The following KLHL29 variants were observed in gnomAD, a reference collection of about 807,000 sequenced individuals.
KLHL29 encodes the protein kelch like family member 29, also known as kelch-like protein 29.
Under a neutral mutation model 80.4 loss-of-function variants are expected in KLHL29, and 21 were observed. That is an observed-to-expected ratio of 0.26 (90% confidence interval 0.19 to 0.38). The LOEUF is 0.38. KLHL29 is among the 10% of genes least tolerant of loss of function. The pLI is 1.00. For synonymous variants in KLHL29, 511 were observed against 526.8 expected (o/e 0.97, Z 0.41); for missense variants, 867 against 1,223.9 (o/e 0.71, Z 4.35).
At chr2:23,493,682 TGTGTGTGCATGTTTATGC>T (rs1249897874) in intron 2 of KLHL29, among the ~76,000 whole-genome samples, 5 of 152,078 alleles carry the variant, frequency 3.3e-5, no homozygotes, top group Non-Finnish European at 7.4e-5. Flanking sequence ...CATGTGTATG[TGTGTGTGCATGTTTATGC>T]GTGTGTGTCT....
intron 3 of KLHL29, among the ~76,000 whole-genome samples, chr2:23,567,038 CTG>C (rs1182925952): frequency 6.6e-6 from 1 of 152,218 alleles, no homozygotes; most frequent in Non-Finnish European, 1.5e-5. Flanking sequence ...TGGCCCACCA[CTG>C]TGTGTCTGGG....
chr2:23,629,137 C>T (rs1046929971), intron 3 of KLHL29, among the ~76,000 whole-genome samples: 9 of 152,194 alleles, frequency 5.9e-5, no homozygotes, highest in Admixed American at 1.3e-4. Context: ...GGGAGCGGTG[C>T]GGACTGATTG....
intron 3 of KLHL29, among the ~76,000 whole-genome samples, chr2:23,606,393 A>G (rs1668729426): frequency 6.6e-6 from 1 of 152,018 alleles, no homozygotes; most frequent in Non-Finnish European, 1.5e-5. Flanking sequence ...GTGTGATTGC[A>G]AGGCGCCCTT....
At chr2:23,633,756 C>CTGTGTGTGTGTGT (rs35002083) in intron 3 of KLHL29, among the ~76,000 whole-genome samples, 3,974 of 147,182 alleles carry the variant, frequency 0.027, 133 homozygotes, top group African/African-American at 0.067. Context: ...TCACAGCACT[C>CTGTGTGTGTGTGT]GTGTGTGTGT....
intron 3 of KLHL29, among the ~76,000 whole-genome samples, chr2:23,579,580 T>G (rs1359865219): frequency 3.3e-5 from 5 of 152,118 alleles, no homozygotes; most frequent in African/African-American, 1.2e-4. Flanking sequence ...GAGTCTACCC[T>G]TTTCCCTCCA....
chr2:23,560,975 G>T (rs886244613), intron 2 of KLHL29, among the ~76,000 whole-genome samples: 2 of 152,244 alleles, frequency 1.3e-5, no homozygotes, highest in Non-Finnish European at 2.9e-5. Context: ...GGCTGAGCTG[G>T]ACTGGCAGGA....
intron 2 of KLHL29, among the ~76,000 whole-genome samples, chr2:23,505,424 C>A (rs1243356863): frequency 6.6e-6 from 1 of 152,246 alleles, no homozygotes; most frequent in African/African-American, 2.4e-5. Flanking sequence ...ACCGCTCCTT[C>A]CCTTCCTGCA....
rs1558318779 is a variant in KLHL29 at position 23,385,698 on chromosome 2, C to G, written c.-236C>G. 6.1e-6 allele frequency: 1 copy of G among 165,086 alleles called. No individual in the cohort carries two copies. Among genetic ancestry groups the G allele is most frequent in the African/African-American group, 2.4e-5 (1 of 41,376 alleles). 10.2% of individuals were successfully genotyped at this position (165,086 alleles called of 1,614,324 possible). A position where few individuals can be genotyped will look rare whatever the true frequency, so the allele number is the denominator to read the frequency against. On this transcript the variant is annotated 5_prime_UTR_variant, in exon 1 of 14. Coordinates refer to ENST00000486442, the MANE Select transcript of KLHL29 (RefSeq NM_052920.2). Reference sequence around the variant, plus strand: ...AGCCACCGCTACCCGCCGGCGCTGTCCGCTCTCCATCAGCCCTCCTGCGCC... The same window carrying G: ...AGCCACCGCTACCCGCCGGCGCTGTGCGCTCTCCATCAGCCCTCCTGCGCC...
At chr2:23,655,917 C>G (rs1404712327) in intron 5 of KLHL29, among the ~76,000 whole-genome samples, 1 of 152,154 alleles carries the variant, frequency 6.6e-6, no homozygotes, top group East Asian at 1.9e-4. Context: ...ATCCCCTGGA[C>G]CCCCAAAGAT....
chr2:23,627,894 G>A (rs35204700), intron 3 of KLHL29, among the ~76,000 whole-genome samples: 2,539 of 149,170 alleles, frequency 0.017, 38 homozygotes, highest in Non-Finnish European at 0.028. Flanking sequence ...TGACTAGAAA[G>A]GAGGAGGCCA....
intron 2 of KLHL29, among the ~76,000 whole-genome samples, chr2:23,558,864 A>T (rs924958595): frequency 1.3e-5 from 2 of 152,264 alleles, no homozygotes; most frequent in African/African-American, 4.8e-5. Context: ...TTATTGATTC[A>T]TTCAGCACAC....
At chr2:23,469,666 G>C (rs985723963) in intron 1 of KLHL29, among the ~76,000 whole-genome samples, 4 of 152,098 alleles carry the variant, frequency 2.6e-5, no homozygotes, top group African/African-American at 4.8e-5. Flanking sequence ...TCTTCCAGAT[G>C]TTCAAAGAAA....
At chr2:23,673,019 A>G (rs904176836) in intron 5 of KLHL29, among the ~76,000 whole-genome samples, 2 of 152,128 alleles carry the variant, frequency 1.3e-5, no homozygotes, top group Non-Finnish European at 2.9e-5. Context: ...CCCTCATGAA[A>G]TCCACCAGTG....
chr2:23,388,144 C>T (rs1219644598), intron 1 of KLHL29, among the ~76,000 whole-genome samples: 1 of 151,928 alleles, frequency 6.6e-6, no homozygotes, highest in Non-Finnish European at 1.5e-5. Flanking sequence ...AGTGTTGTGT[C>T]TTTTTAATTA....
rs941845033 is a variant in KLHL29, at chr2:23,639,285, G to A, written c.427+5G>A. ...TGAGAGAGAGTGACAATCCAGGTAC[G>A]TACCTCATCGGCAGATAGAAACGAC... On this transcript the variant is annotated splice_donor_5th_base_variant and intron_variant, in intron 4 of 13. Transcript: ENST00000486442. The A allele has an allele frequency of 8.4e-6, 13 of 1,545,112 alleles. No homozygotes were observed. The highest frequency in any genetic ancestry group is 7.4e-5 in the East Asian group (3 of 40,582).
chr2:23,411,379 TTGTGTGTGTGTGTGTGTGTG>T (rs56103621), intron 1 of KLHL29, among the ~76,000 whole-genome samples: 1 of 109,026 alleles, frequency 9.2e-6, no homozygotes. Context: ...GTTGCAAAAA[TTGTGTGTGTGTGTGTGTGTG>T]TGTGTGTGTG....
chr2:23,428,514 A>C (rs1663066859), intron 1 of KLHL29, among the ~76,000 whole-genome samples: 2 of 152,130 alleles, frequency 1.3e-5, no homozygotes, highest in South Asian at 4.1e-4. Context: ...ATGACCACAC[A>C]ACTGTTGTGT....
At chr2:23,665,492 A>T (rs567269416) in intron 5 of KLHL29, among the ~76,000 whole-genome samples, 1 of 152,362 alleles carries the variant, frequency 6.6e-6, no homozygotes, top group Admixed American at 6.5e-5. Flanking sequence ...ACCCATGCTT[A>T]AATGAGCTTA....
intron 2 of KLHL29, chr2:23,532,623 A>G (rs1303266455): frequency 1.1e-5 from 5 of 456,614 alleles, no homozygotes; most frequent in Non-Finnish European, 2.2e-5. Flanking sequence ...ACAAGATTGT[A>G]AGATTATCTT....
Sources: allele counts gnomAD v4.1 joint callset (sites outside exome capture counted in the v4.1 genomes callset), GRCh38; gene constraint gnomAD v4.1.1; transcripts MANE v1.5; gene names NCBI Gene and HGNC (gene_info 2026-07-23, HGNC 2026-07-21).